The following EPB41L4B variants were observed in gnomAD, a reference collection of about 807,000 sequenced individuals.
The protein encoded by EPB41L4B is erythrocyte membrane protein band 4.1 like 4B.
EPB41L4B carries 30 observed loss-of-function variants against 112.5 expected under a neutral mutation model. The observed-to-expected ratio is 0.27, with a 90% CI of 0.20 to 0.36. The LOEUF (loss-of-function observed/expected upper bound fraction) is 0.36, where lower values mean the gene tolerates loss of function less well. EPB41L4B is among the 10% of genes least tolerant of loss of function. EPB41L4B has a pLI of 1.00. For synonymous variants in EPB41L4B, 408 were observed against 439.7 expected (o/e 0.93, Z 0.90); for missense variants, 1,024 against 1,133.3 (o/e 0.90, Z 1.38).
chr9:109,232,804 T>C (rs936152263), intron 15 of EPB41L4B, among the ~76,000 whole-genome samples: 4 of 152,228 alleles, frequency 2.6e-5, no homozygotes, highest in African/African-American at 7.2e-5. Context: ...TTAATTTATT[T>C]TGGTATTCAT....
chr9:109,189,114 A>ACT (rs1832368687), intron 22 of EPB41L4B, among the ~76,000 whole-genome samples: 1 of 152,052 alleles, frequency 6.6e-6, no homozygotes, highest in Non-Finnish European at 1.5e-5. Context: ...TGCTGTCTTG[A>ACT]CTCACTTGCC....
intron 14 of EPB41L4B, among the ~76,000 whole-genome samples, chr9:109,247,408 T>C (rs1163248065): frequency 6.6e-6 from 1 of 152,126 alleles, no homozygotes; most frequent in East Asian, 1.9e-4. Flanking sequence ...TCATGTTCCC[T>C]AGGCCTAAAA....
At chr9:109,269,210 C>A (rs998036826) in intron 2 of EPB41L4B, among the ~76,000 whole-genome samples, 8 of 152,220 alleles carry the variant, frequency 5.3e-5, no homozygotes, top group Non-Finnish European at 4.4e-5. Context: ...AAATTCACAA[C>A]CCCTTTATTC....
chr9:109,200,782 A>T (rs7867778), intron 19 of EPB41L4B, among the ~76,000 whole-genome samples: 52,214 of 147,400 alleles, frequency 0.35, 9,379 homozygotes, highest in Middle Eastern at 0.44. Flanking sequence ...TTTTTTTTTT[A>T]AAAAAAGATA....
At position 109,320,124 on chromosome 9, in the gene EPB41L4B, C is replaced by T. The variant is rs569573104; in HGVS notation, c.306+17G>A. On this transcript the variant is annotated intron_variant, in intron 1 of 25. Transcript: ENST00000374566. ...GGGCGCGAGGTGCCAGTGCCCCAGA[C>T]TGGCCCCGTCACTCACCGGCAGGTC... 244 of 1,437,830 alleles carry T rather than the reference C, an allele frequency of 1.7e-4. 2 individuals carry two copies. The South Asian group carries it at 3.3e-3, about 19-fold the overall frequency. The allele number at this position is 1,437,830 out of a possible 1,614,324, so 89.1% of individuals were successfully genotyped here.
chr9:109,186,344 T>C (rs866919199), intron 22 of EPB41L4B, among the ~76,000 whole-genome samples: 11 of 152,140 alleles, frequency 7.2e-5, no homozygotes, highest in Admixed American at 1.3e-4. Context: ...TGCACCACCA[T>C]GCCCAGCTAA....
At chr9:109,294,890 C>T (rs138816202) in intron 1 of EPB41L4B, among the ~76,000 whole-genome samples, 55 of 152,210 alleles carry the variant, frequency 3.6e-4, no homozygotes, top group African/African-American at 1.3e-3. Flanking sequence ...AATCTTGTAA[C>T]GTGCAAAGGA....
intron 1 of EPB41L4B, among the ~76,000 whole-genome samples, chr9:109,319,304 G>C (rs1172754154): frequency 6.6e-6 from 1 of 152,192 alleles, no homozygotes; most frequent in Non-Finnish European, 1.5e-5. Flanking sequence ...CCACCTGTGG[G>C]CGGGTGCCCG....
intron 13 of EPB41L4B, 60 bp downstream of exon 13, chr9:109,251,421 T>A (rs1039253096): frequency 3.3e-6 from 5 of 1,523,264 alleles, no homozygotes; most frequent in Non-Finnish European, 3.6e-6. Flanking sequence ...AAAGTCAACA[T>A]TGCAAATAAA....
chr9:109,259,809 T>C (rs916187000), intron 6 of EPB41L4B, among the ~76,000 whole-genome samples: 2 of 152,198 alleles, frequency 1.3e-5, no homozygotes, highest in Non-Finnish European at 2.9e-5. Flanking sequence ...GCAGGGCCAC[T>C]GTATCACAAC....
At chr9:109,297,673 G>A (rs918974529) in intron 1 of EPB41L4B, among the ~76,000 whole-genome samples, 2 of 152,222 alleles carry the variant, frequency 1.3e-5, no homozygotes, top group African/African-American at 2.4e-5. Flanking sequence ...TCGCTGCGTG[G>A]CAGCCCCTGG....
intron 13 of EPB41L4B, among the ~76,000 whole-genome samples, chr9:109,250,280 G>A (rs1313118168): frequency 6.6e-6 from 1 of 152,192 alleles, no homozygotes. Flanking sequence ...GGTACCTGGA[G>A]GGAGGGTTCC....
chr9:109,278,188 G>A (rs907378818), intron 2 of EPB41L4B, among the ~76,000 whole-genome samples: 2 of 152,126 alleles, frequency 1.3e-5, no homozygotes, highest in African/African-American at 2.4e-5. Flanking sequence ...TCCCGGGTCC[G>A]GTGGACGGAG....
At chr9:109,222,825 T>C (rs571260519) in intron 15 of EPB41L4B, among the ~76,000 whole-genome samples, 1 of 152,322 alleles carries the variant, frequency 6.6e-6, no homozygotes, top group African/African-American at 2.4e-5. Flanking sequence ...AGGAAGCTGC[T>C]GGTGCCCCCT....
chr9:109,212,743 GTA>G, intron 17 of EPB41L4B, among the ~76,000 whole-genome samples: 1 of 152,280 alleles, frequency 6.6e-6, no homozygotes, highest in South Asian at 2.1e-4. Context: ...AAATTAAAAT[GTA>G]TGTACAACAG....
chr9:109,242,147 C>G (rs571099140), intron 15 of EPB41L4B, among the ~76,000 whole-genome samples: 16 of 152,318 alleles, frequency 1.1e-4, no homozygotes, highest in Non-Finnish European at 8.8e-5. Flanking sequence ...CAGCATGCAC[C>G]ATGAATGCCT....
At chr9:109,184,306 G>GC (rs1365619304) in intron 23 of EPB41L4B, among the ~76,000 whole-genome samples, 3 of 152,252 alleles carry the variant, frequency 2.0e-5, no homozygotes, top group East Asian at 1.9e-4. Context: ...TGCAACCTCC[G>GC]CCCCCCAGGT....
chr9:109,179,780 C>T (rs575176864), intron 24 of EPB41L4B, among the ~76,000 whole-genome samples: 6 of 152,252 alleles, frequency 3.9e-5, no homozygotes, highest in Non-Finnish European at 7.4e-5. Context: ...AATATCTTCC[C>T]TATCTGTGCA....
chr9:109,208,386 CCCATAACTG>C lies in EPB41L4B; in HGVS notation c.1753-346_1753-338del, dbSNP rs561225622. On this transcript the variant is annotated intron_variant, in intron 17 of 25. Coordinates refer to ENST00000374566, the MANE Select transcript of EPB41L4B (RefSeq NM_019114.5). ...CTAACCTCAGTCCAGTGTTATTTTC[CCCATAACTG>C]CCATCTCTTACATAGAAAAATTCAA... Among the ~76,000 whole-genome samples, 283 of 152,212 alleles carry C rather than the reference CCCATAACTG, an allele frequency of 1.9e-3. 1 individual carries two copies. The highest frequency in any genetic ancestry group is 0.01 in the Middle Eastern group (3 of 294).
Sources: allele counts gnomAD v4.1 joint callset (sites outside exome capture counted in the v4.1 genomes callset), GRCh38; gene constraint gnomAD v4.1.1; transcripts MANE v1.5; gene names NCBI Gene and HGNC (gene_info 2026-07-23, HGNC 2026-07-21).